The following HAUS8 variants were observed in gnomAD, a reference collection of about 807,000 sequenced individuals.
The protein encoded by HAUS8 is HAUS augmin-like complex subunit 8.
Under a neutral mutation model 42.9 loss-of-function variants are expected in HAUS8, and 38 were observed. The observed-to-expected ratio is 0.89, with a 90% CI of 0.68 to 1.16. The LOEUF (loss-of-function observed/expected upper bound fraction) is 1.16, where lower values mean the gene tolerates loss of function less well. HAUS8 is among the 50% of genes most tolerant of loss of function. The probability of loss-of-function intolerance (pLI) is 0.00; values close to 1 mark genes in which losing one functional copy is unlikely to be tolerated. For synonymous variants in HAUS8, 199 were observed against 205.8 expected (o/e 0.97, Z 0.28); for missense variants, 494 against 511.6 (o/e 0.97, Z 0.33).
intron 3 of HAUS8, among the ~76,000 whole-genome samples, chr19:17,068,154 C>T (rs967145135): frequency 6.3e-5 from 9 of 143,084 alleles, no homozygotes; most frequent in African/African-American, 2.4e-4. Context: ...CGCTCTGTCG[C>T]CAAGGCTGGA....
chr19:17,053,406 A>T, intron 9 of HAUS8: 1 of 179,470 alleles, frequency 5.6e-6, no homozygotes, highest in South Asian at 1.2e-4. Flanking sequence ...CTACCCTGAC[A>T]TACATCACAT....
intron 4 of HAUS8, 73 bp from the exon 5 acceptor site, chr19:17,060,165 C>T (rs1039252465): frequency 2.0e-5 from 21 of 1,061,168 alleles, no homozygotes; most frequent in Non-Finnish European, 2.6e-5. Flanking sequence ...AAACGCAGGC[C>T]GTGTTTTTGA....
intron 6 of HAUS8, 27 bp downstream of exon 6, chr19:17,059,530 G>C (rs2123368820): frequency 6.6e-7 from 1 of 1,504,660 alleles, no homozygotes; most frequent in Non-Finnish European, 9.2e-7. Context: ...ACCCATCTGT[G>C]GCTGCCCTCT....
Position 17,075,452 on chromosome 19 carries a change from C to T in HAUS8, c.-30G>A, listed in dbSNP as rs776874404. ...CCGCCTTCCACCTCAAGGCCCGACC[C>T]GCCGGCTTTTCAAAGCCGGACCCGC... On this transcript the variant is annotated 5_prime_UTR_variant, in exon 1 of 11. Transcript: ENST00000253669. The T allele has an allele frequency of 5.6e-6, 9 of 1,613,130 alleles. No individual in the cohort carries two copies. Among genetic ancestry groups the T allele is most frequent in the East Asian group, 4.5e-5 (2 of 44,870 alleles).
intron 3 of HAUS8, among the ~76,000 whole-genome samples, chr19:17,067,106 GAGGA>G (rs1353968328): frequency 6.6e-6 from 1 of 151,574 alleles, no homozygotes; most frequent in Non-Finnish European, 1.5e-5. Flanking sequence ...TCGGGAGGCT[GAGGA>G]AGGAGAATGG....
intron 9 of HAUS8, among the ~76,000 whole-genome samples, chr19:17,055,554 T>C (rs1385632693): frequency 1.3e-5 from 2 of 151,982 alleles, no homozygotes; most frequent in South Asian, 4.1e-4. Flanking sequence ...CTGGTGGTCT[T>C]GTCACCCCCC....
At chr19:17,050,977 T>C (rs2057284036) in intron 10 of HAUS8, among the ~76,000 whole-genome samples, 1 of 152,084 alleles carries the variant, frequency 6.6e-6, no homozygotes, top group South Asian at 2.1e-4. Context: ...GGATGATCGC[T>C]TGAGCCTCGG....
At position 17,049,960 on chromosome 19, in the gene HAUS8, C is replaced by T. The variant is rs191158576; in HGVS notation, c.1146G>A (p.Thr382=). ...AAAAATCTTCGCTTGGGCTGATGAA[C>T]GTGGCCTGAGCGGGGGCTGACGAGG... The part of the protein sequence containing the change: ...PGASSAPAQA[T]FISPSEDFSS... The change falls in exon 11 of 11, where the codon ACG becomes ACA. Residue 382 remains threonine (T), a synonymous_variant. Coordinates refer to ENST00000253669, the MANE Select transcript of HAUS8 (RefSeq NM_033417.2). 6 of 1,582,832 alleles carry T rather than the reference C, an allele frequency of 3.8e-6. No individual in the cohort carries two copies. The African/African-American group carries it at 4.1e-5, about 11-fold the overall frequency.
At chr19:17,070,414 T>A (rs531328046) in intron 2 of HAUS8, among the ~76,000 whole-genome samples, 158 of 152,316 alleles carry the variant, frequency 1.0e-3, no homozygotes, top group African/African-American at 3.7e-3. Flanking sequence ...TCAGGAAGCC[T>A]AAGTGCCTCC....
chr19:17,063,546 T>C (rs963362289), intron 3 of HAUS8, among the ~76,000 whole-genome samples: 5 of 152,264 alleles, frequency 3.3e-5, no homozygotes, highest in African/African-American at 4.8e-5. Context: ...ACAAGAGTTT[T>C]CTTTCAATTT....
intron 2 of HAUS8, among the ~76,000 whole-genome samples, chr19:17,072,175 T>C (rs1599994405): frequency 6.6e-6 from 1 of 152,196 alleles, no homozygotes; most frequent in East Asian, 1.9e-4. Flanking sequence ...TACCCAGCAA[T>C]GCTGAAACAT....
At chr19:17,058,320 T>C (rs1240234105) in intron 8 of HAUS8, among the ~76,000 whole-genome samples, 5 of 152,242 alleles carry the variant, frequency 3.3e-5, no homozygotes, top group African/African-American at 4.8e-5. Context: ...CACAAGTGCA[T>C]AGAAGGTGCA....
rs1555796450 is a variant in HAUS8, at chr19:17,055,995, A to G, written c.653T>C (p.Met218Thr). ...GGCCACTGCCTCGAAGGGGCTGAGC[A>G]TCTCGATCTGTAAGCAGAAGGGATA... ...LADVLDAQIE[M>T]LSPFEAVATR... Residue 218 changes from methionine (M) to threonine (T), a missense_variant, in exon 9 of 11, where the codon ATG becomes ACG. Coordinates refer to ENST00000253669, the MANE Select transcript of HAUS8 (RefSeq NM_033417.2). 6 of 1,614,068 alleles carry G rather than the reference A, an allele frequency of 3.7e-6. No individual in the cohort carries two copies. Among genetic ancestry groups the G allele is most frequent in the Middle Eastern group, 1.7e-4 (1 of 6,060 alleles).
At chr19:17,051,746 C>T (rs2057288845) in intron 10 of HAUS8, 1 of 146,894 alleles carries the variant, frequency 6.8e-6, no homozygotes, top group East Asian at 2.1e-4. Context: ...CAGCTCATTA[C>T]AGCCTTGACC....
chr19:17,069,547 G>A (rs894107233), intron 2 of HAUS8, among the ~76,000 whole-genome samples: 3 of 149,842 alleles, frequency 2.0e-5, no homozygotes, highest in African/African-American at 7.4e-5. Flanking sequence ...GGGACCCCCT[G>A]CCCTGAGACA....
chr19:17,056,935 T>G (rs1034232628), intron 8 of HAUS8, among the ~76,000 whole-genome samples: 1 of 152,142 alleles, frequency 6.6e-6, no homozygotes, highest in African/African-American at 2.4e-5. Flanking sequence ...GGTGGAGTGC[T>G]GTGGAGTGAT....
At chr19:17,072,075 T>C (rs183226182) in intron 2 of HAUS8, among the ~76,000 whole-genome samples, 40 of 152,354 alleles carry the variant, frequency 2.6e-4, no homozygotes, top group Non-Finnish European at 5.0e-4. Context: ...AAGAACGAGG[T>C]AGCTCATAAA....
rs1053600820 is a variant in HAUS8, at chr19:17,059,779, A to G, written c.326-128T>C. On this transcript the variant is annotated intron_variant, in intron 5 of 10. Coordinates refer to ENST00000253669, the MANE Select transcript of HAUS8 (RefSeq NM_033417.2). ...CATAAATTGAGGAGTATATGGACTTATAACAGTCCAGTTAAAGTTGTTCAA... is the reference window on the plus strand; with the variant it reads ...CATAAATTGAGGAGTATATGGACTTGTAACAGTCCAGTTAAAGTTGTTCAA... 11 of 699,250 alleles carry G rather than the reference A, an allele frequency of 1.6e-5. No individual in the cohort carries two copies. In the Admixed American group the frequency reaches 1.9e-4, roughly 12 times the overall value. The allele number at this position is 699,250 out of a possible 1,614,324, so 43.3% of individuals were successfully genotyped here. A position where few individuals can be genotyped will look rare whatever the true frequency, so the allele number is the denominator to read the frequency against.
At chr19:17,055,052 G>A (rs1196929549) in intron 9 of HAUS8, 1 of 137,872 alleles carries the variant, frequency 7.3e-6, no homozygotes, top group East Asian at 2.3e-4. Flanking sequence ...AAGGTGGGAG[G>A]ACTGCTTGAA....
Sources: gnomAD v4.1 joint callset for allele counts (sites outside exome capture counted in the v4.1 genomes callset) on GRCh38, gnomAD v4.1.1 for gene constraint, MANE v1.5 for transcripts, NCBI Gene and HGNC (gene_info 2026-07-23, HGNC 2026-07-21) for gene names.